Variants in NBAS observed in about 807,000 individuals in gnomAD.
The protein encoded by NBAS is NBAS subunit of NRZ tethering complex.
A neutral mutation model predicts 302.5 loss-of-function variants in NBAS; 219 were observed. That is an observed-to-expected ratio of 0.72 (90% CI 0.65 to 0.81). The LOEUF (loss-of-function observed/expected upper bound fraction) is 0.81. Ranked by LOEUF, NBAS falls within the 30% of genes least tolerant of loss-of-function variation. The pLI is 0.00. For synonymous variants in NBAS, 1,118 were observed against 1,021.6 expected, an observed-to-expected ratio of 1.09 and a Z score of -1.80; for missense variants, 2,932 against 2,841.6, an observed-to-expected ratio of 1.03 and a Z score of -0.72.
intron 48 of NBAS, among the ~76,000 whole-genome samples, chr2:15,218,219 A>C (rs991099549): frequency 6.6e-6 from 1 of 152,306 alleles, no homozygotes; most frequent in African/African-American, 2.4e-5. Flanking sequence ...ATCTCCTATT[A>C]AGAGAAAAAT....
chr2:14,808,503 T>C, the NBAS span, among the ~76,000 whole-genome samples: 1 of 152,262 alleles, frequency 6.6e-6, no homozygotes, highest in African/African-American at 2.4e-5. Context: ...GATCTGATGG[T>C]GTTAAAAAGG....
intron 6 of NBAS, among the ~76,000 whole-genome samples, chr2:15,543,740 C>A (rs779579898): frequency 6.6e-6 from 1 of 152,208 alleles, no homozygotes; most frequent in East Asian, 1.9e-4. Flanking sequence ...ATGATTCAAT[C>A]ATCTCCTACT....
chr2:14,922,353 G>T, the NBAS span, among the ~76,000 whole-genome samples: 1 of 152,194 alleles, frequency 6.6e-6, no homozygotes, highest in African/African-American at 2.4e-5. Context: ...AGTCCTGTTG[G>T]GTTGAGTACA....
chr2:15,169,217 GCCCACCTTTGAC>G (rs533812304), intron 51 of NBAS, among the ~76,000 whole-genome samples: 5 of 152,132 alleles, frequency 3.3e-5, no homozygotes, highest in African/African-American at 9.7e-5. Context: ...CACTTGTACA[GCCCACCTTTGAC>G]CCCACCTTTG....
the NBAS span, among the ~76,000 whole-genome samples, chr2:14,994,080 A>G: frequency 1.3e-4 from 20 of 152,234 alleles, no homozygotes; most frequent in Admixed American, 6.5e-5. Flanking sequence ...GCTTACATGC[A>G]TCTTTCTTTC....
the NBAS span, among the ~76,000 whole-genome samples, chr2:14,822,641 C>T: frequency 6.6e-6 from 1 of 152,162 alleles, no homozygotes; most frequent in Non-Finnish European, 1.5e-5. Flanking sequence ...CAAAATGACA[C>T]TTGCTTATCT....
At chr2:14,922,403 T>C in the NBAS span, among the ~76,000 whole-genome samples, 1 of 152,168 alleles carries the variant, frequency 6.6e-6, no homozygotes, top group Non-Finnish European at 1.5e-5. Context: ...CACAGACTAG[T>C]GACTCAAAAA....
chr2:15,015,486 T>C, the NBAS span, among the ~76,000 whole-genome samples: 5 of 152,144 alleles, frequency 3.3e-5, no homozygotes, highest in Admixed American at 2.6e-4. Context: ...GTTCAACATA[T>C]GCAAATCAAT....
At chr2:15,306,279 T>C (rs1294798684) in intron 40 of NBAS, among the ~76,000 whole-genome samples, 1 of 152,226 alleles carries the variant, frequency 6.6e-6, no homozygotes, top group East Asian at 1.9e-4. Flanking sequence ...AAAGCAGCAG[T>C]AGCTACCAAA....
intron 28 of NBAS, among the ~76,000 whole-genome samples, chr2:15,392,638 G>A (rs772094213): frequency 8.6e-5 from 13 of 151,934 alleles, no homozygotes; most frequent in South Asian, 2.1e-4. Flanking sequence ...CTAAGTAAAC[G>A]GAAAGACATC....
the NBAS span, among the ~76,000 whole-genome samples, chr2:14,855,943 G>C: frequency 6.6e-6 from 1 of 152,170 alleles, no homozygotes; most frequent in African/African-American, 2.4e-5. Context: ...AGCAGGGAGT[G>C]GTTACAGCAG....
intron 11 of NBAS, among the ~76,000 whole-genome samples, chr2:15,492,363 A>G (rs528060141): frequency 2.4e-4 from 37 of 152,348 alleles, no homozygotes; most frequent in Non-Finnish European, 4.9e-4. Flanking sequence ...ATTGGATTGT[A>G]GCCACTCAAG....
At chr2:15,559,802 C>T (rs1482867337) in intron 1 of NBAS, among the ~76,000 whole-genome samples, 1 of 152,114 alleles carries the variant, frequency 6.6e-6, no homozygotes, top group Non-Finnish European at 1.5e-5. Flanking sequence ...TTTTTGGAAT[C>T]AATTTATGGT....
At chr2:15,069,899 A>T in the NBAS span, among the ~76,000 whole-genome samples, 1 of 152,154 alleles carries the variant, frequency 6.6e-6, no homozygotes, top group African/African-American at 2.4e-5. Flanking sequence ...TGGGAATTGG[A>T]GTTATCTAGT....
chr2:14,977,271 G>T, the NBAS span, among the ~76,000 whole-genome samples: 5 of 152,098 alleles, frequency 3.3e-5, no homozygotes, highest in African/African-American at 1.2e-4. Flanking sequence ...TTACAGACAA[G>T]ACTATGTTTA....
At chr2:15,425,616 C>T (rs899725049) in intron 22 of NBAS, among the ~76,000 whole-genome samples, 18 of 152,290 alleles carry the variant, frequency 1.2e-4, no homozygotes, top group African/African-American at 4.1e-4. Flanking sequence ...TACAATAAAA[C>T]TTCCCTATAT....
chr2:15,054,130 T>C, the NBAS span, among the ~76,000 whole-genome samples: 3 of 152,208 alleles, frequency 2.0e-5, no homozygotes, highest in Non-Finnish European at 4.4e-5. Flanking sequence ...CATTTGCTAA[T>C]TTCTCAACAT....
chr2:15,114,731 T>A, the NBAS span, among the ~76,000 whole-genome samples: 1 of 152,188 alleles, frequency 6.6e-6, no homozygotes, highest in African/African-American at 2.4e-5. Context: ...GACTTCAGCT[T>A]CTACCTCCTG....
chr2:14,912,832 C>T, the NBAS span, among the ~76,000 whole-genome samples: 1 of 152,140 alleles, frequency 6.6e-6, no homozygotes, highest in South Asian at 2.1e-4. Context: ...TATGTTGCCT[C>T]CTATTCTATA....
Sources: allele counts gnomAD v4.1 joint callset (sites outside exome capture counted in the v4.1 genomes callset), GRCh38; gene constraint gnomAD v4.1.1; transcripts MANE v1.5; gene names NCBI Gene and HGNC (gene_info 2026-07-23, HGNC 2026-07-21).